The following BRCA2 variants were observed in gnomAD, a reference collection of about 807,000 sequenced individuals.
The protein encoded by BRCA2 is breast cancer type 2 susceptibility protein.
BRCA2 carries 203 observed loss-of-function variants against 276.7 expected under a neutral mutation model. The ratio of observed to expected loss-of-function variants is 0.73; its 90% CI spans 0.65 to 0.82. The LOEUF (loss-of-function observed/expected upper bound fraction) is 0.82, where lower values mean the gene tolerates loss of function less well. Among genes scored for constraint, BRCA2 ranks in the 40% least tolerant of loss-of-function variants. The probability of loss-of-function intolerance (pLI) is 0.00; values close to 1 mark genes in which losing one functional copy is unlikely to be tolerated. For missense variants in BRCA2, 3,920 were observed against 3,915.0 expected (o/e 1.00, Z -0.03); for synonymous variants, 1,289 against 1,338.4 (o/e 0.96, Z 0.81).
chr13:32,390,770 A>G (rs546897383), intron 24 of BRCA2, among the ~76,000 whole-genome samples: 2 of 152,304 alleles, frequency 1.3e-5, no homozygotes, highest in Admixed American at 1.3e-4. Context: ...CAGTAATACA[A>G]TGATCTCTTC....
In BRCA2 at chr13:32,379,892, A is replaced by C. The variant is rs864622582; in HGVS notation, c.9096A>C (p.Lys3032Asn). 3 of 1,613,730 alleles carry C rather than the reference A, an allele frequency of 1.9e-6. No homozygotes were observed. Among genetic ancestry groups the C allele is most frequent in the East Asian group, 2.2e-5 (1 of 44,852 alleles). ...ACATACAGTTAGCAGCGACAAAAAA[A>C]ACTCAGTATCAACAACTACCGGTAC... ...RANIQLAATKKTQYQQLPVSD... is the reference protein window; with the variant it reads ...RANIQLAATKNTQYQQLPVSD... The change falls in exon 23 of 27, where the codon AAA becomes AAC. Residue 3032 changes from lysine to asparagine, a missense_variant. Physicochemically the swap from Lys to Asn is moderately conservative, Grantham distance 94. This residue lies in a region of BRCA2 where 657 missense variants were observed against 758.2 expected (regional missense o/e 0.87). Coordinates refer to ENST00000380152, the MANE Select transcript of BRCA2 (RefSeq NM_000059.4).
rs886038125 is a variant in BRCA2, at chr13:32,339,919, C to G, written c.5564C>G (p.Ser1855Ter). 6.2e-7 allele frequency: 1 copy of G among 1,606,814 alleles called. No homozygotes were observed. The highest frequency in any genetic ancestry group is 1.1e-5 in the South Asian group (1 of 89,832). Residue 1855 changes from serine to a stop codon, truncating the protein, a stop_gained, in exon 11 of 27, where the codon TCA (serine) becomes TGA (stop). Transcript: ENST00000380152. LOFTEE classifies it high-confidence loss of function. ...GCCAGTGGTAAAATCGTTTGTGTTT[C>G]ACATGAAACAATTAAAAAAGTGAAA... The part of the protein sequence containing the change: ...RIASGKIVCV[S>*]HETIKKVKDI...
chr13:32,347,854 T>G (rs1238696588), intron 13 of BRCA2, among the ~76,000 whole-genome samples: 1 of 152,186 alleles, frequency 6.6e-6, no homozygotes, highest in Non-Finnish European at 1.5e-5. Flanking sequence ...ACTGTTGACA[T>G]GCACAGAGCT....
intron 20 of BRCA2, among the ~76,000 whole-genome samples, chr13:32,372,327 T>TA (rs1298891170): frequency 6.6e-6 from 1 of 152,228 alleles, no homozygotes; most frequent in African/African-American, 2.4e-5. Flanking sequence ...AGCTCTGTAT[T>TA]AATCTGTTCC....
chr13:32,317,847 G>T (rs1327233566), intron 2 of BRCA2, among the ~76,000 whole-genome samples: 1 of 152,170 alleles, frequency 6.6e-6, no homozygotes, highest in Admixed American at 6.5e-5. Flanking sequence ...AAATAACTTT[G>T]TCAGCTGTTC....
intron 20 of BRCA2, among the ~76,000 whole-genome samples, chr13:32,375,765 G>A (rs1001031834): frequency 3.3e-5 from 5 of 151,996 alleles, no homozygotes. Flanking sequence ...TCACCATGTT[G>A]GTCAGGCTGG....
At chr13:32,353,137 T>C (rs1397960724) in intron 13 of BRCA2, among the ~76,000 whole-genome samples, 1 of 152,244 alleles carries the variant, frequency 6.6e-6, no homozygotes, top group African/African-American at 2.4e-5. Flanking sequence ...TTTTTCCTAA[T>C]AGATTGTTCT....
intron 11 of BRCA2, among the ~76,000 whole-genome samples, chr13:32,343,750 G>C (rs563915675): frequency 6.6e-6 from 1 of 151,734 alleles, no homozygotes; most frequent in Non-Finnish European, 1.5e-5. Flanking sequence ...TGCTTTCAAC[G>C]GTGTTACTAC....
At chr13:32,334,750 A>C (rs1293284588) in intron 10 of BRCA2, among the ~76,000 whole-genome samples, 2 of 152,158 alleles carry the variant, frequency 1.3e-5, no homozygotes, top group Non-Finnish European at 2.9e-5. Flanking sequence ...TTCTAAAATA[A>C]TGATTTATTG....
chr13:32,355,372 C>T (rs1344566153), intron 14 of BRCA2, 84 bp downstream of exon 14: 6 of 1,474,078 alleles, frequency 4.1e-6, no homozygotes, highest in South Asian at 1.2e-5. Flanking sequence ...TGGTTTTCCC[C>T]CTTTGGTGGT....
Position 32,337,337 on chromosome 13 carries a change from A to C in BRCA2, c.2982A>C (p.Ala994=), listed in dbSNP as rs2072469658. Residue 994 remains alanine (A), a synonymous_variant, in exon 11 of 27, where the codon GCA becomes GCC. Coordinates refer to ENST00000380152, the MANE Select transcript of BRCA2 (RefSeq NM_000059.4). ...EKNNDYMNKW[A]GLLGPISNHS... is the part of the protein sequence containing the mutation. Reference sequence around the variant, plus strand: ...ATAATGATTACATGAACAAATGGGCAGGACTCTTAGGTCCAATTTCAAATC... The same window carrying C: ...ATAATGATTACATGAACAAATGGGCCGGACTCTTAGGTCCAATTTCAAATC... The C allele has an allele frequency of 6.2e-7, 1 of 1,613,728 alleles. No individual in the cohort carries two copies.
At chr13:32,358,388 A>G (rs1482428182) in intron 16 of BRCA2, among the ~76,000 whole-genome samples, 1 of 151,634 alleles carries the variant, frequency 6.6e-6, no homozygotes, top group Non-Finnish European at 1.5e-5. Context: ...AGGCAGGAGA[A>G]TCGCTTGAAC....
chr13:32,337,354 T>C lies in BRCA2; in HGVS notation c.2999T>C (p.Ile1000Thr), dbSNP rs374769365. The C allele has an allele frequency of 1.2e-6, 2 of 1,613,836 alleles. No homozygotes were observed. ...AAATGGGCAGGACTCTTAGGTCCAA[T>C]TTCAAATCACAGTTTTGGAGGTAGC... ...MNKWAGLLGP[I>T]SNHSFGGSFR... Residue 1000 changes from isoleucine to threonine, a missense_variant, in exon 11 of 27, where the codon ATT (isoleucine) becomes ACT (threonine). Coordinates refer to ENST00000380152, the MANE Select transcript of BRCA2 (RefSeq NM_000059.4).
chr13:32,338,271 G>A lies in BRCA2; in HGVS notation c.3916G>A (p.Val1306Ile), dbSNP rs80358636. The change falls in exon 11 of 27, where the codon GTT (valine) becomes ATT (isoleucine). Residue 1306 changes from valine (V) to isoleucine (I), a missense_variant. By Grantham distance (29) the Val-to-Ile change is conservative. This residue lies in a region of BRCA2 where 3,263 missense variants were observed against 3,156.9 expected (regional missense o/e 1.03). Coordinates refer to ENST00000380152, the MANE Select transcript of BRCA2 (RefSeq NM_000059.4). ...NNIEMTTGTF[V>I]EEITENYKRN... is the part of the protein sequence containing the mutation. ...TATTGAAATGACTACTGGCACTTTT[G>A]TTGAAGAAATTACTGAAAATTACAA... The A allele has an allele frequency of 1.7e-5, 26 of 1,565,512 alleles. No homozygotes were observed. The highest frequency in any genetic ancestry group is 2.2e-5 in the Non-Finnish European group (26 of 1,158,094).
rs80359068 is a variant in BRCA2 at position 32,332,296 on chromosome 13, C to A, written c.818C>A (p.Ser273Ter). 6.2e-7 allele frequency: 1 copy of A among 1,604,928 alleles called. No individual in the cohort carries two copies. Among genetic ancestry groups the A allele is most frequent in the South Asian group, 1.1e-5 (1 of 88,874 alleles). Reference protein sequence around the residue: ...SHGFGKTSGNSFKVNSCKDHI... With the variant: ...SHGFGKTSGN Reference sequence around the variant, plus strand: ...GGATTTGGAAAAACATCAGGGAATTCATTTAAAGTAAATAGCTGCAAAGAC... The same window carrying A: ...GGATTTGGAAAAACATCAGGGAATTAATTTAAAGTAAATAGCTGCAAAGAC... Residue 273 changes from serine to a stop codon, truncating the protein, a stop_gained, in exon 10 of 27, where the codon TCA (serine) becomes TAA (stop). Transcript: ENST00000380152. LOFTEE classifies it high-confidence loss of function.
At chr13:32,395,631 A>T (rs1327423453) in intron 25 of BRCA2, among the ~76,000 whole-genome samples, 1 of 152,224 alleles carries the variant, frequency 6.6e-6, no homozygotes, top group Non-Finnish European at 1.5e-5. Flanking sequence ...CCAGACTAGG[A>T]ACTGCTATGC....
In BRCA2 at chr13:32,353,467, CTA is replaced by C. The variant is rs145261968; in HGVS notation, c.7008-1393_7008-1392del. On this transcript the variant is annotated intron_variant, in intron 13 of 26. Transcript: ENST00000380152. ...GTGGTGTGCCATCTCAGAGTAGAGA[CTA>C]AAAGCCCTTGTCATGGTGTACAGAT... Among the ~76,000 whole-genome samples, 1 of 152,042 alleles carries C rather than the reference CTA, an allele frequency of 6.6e-6. No homozygotes were observed. The highest frequency in any genetic ancestry group is 1.5e-5 in the Non-Finnish European group (1 of 68,010).
chr13:32,386,588 G>GA (rs1055803438), intron 24 of BRCA2, among the ~76,000 whole-genome samples: 1 of 93,252 alleles, frequency 1.1e-5, no homozygotes, highest in African/African-American at 3.8e-5. Flanking sequence ...GTATGAAGCA[G>GA]AAAAAAAATG....
chr13:32,325,989 AAGT>A, intron 4 of BRCA2, 109 bp from the exon 5 acceptor site: 3 of 916,058 alleles, frequency 3.3e-6, no homozygotes, highest in Non-Finnish European at 5.1e-6. Flanking sequence ...AAATATCTAA[AAGT>A]AGTATTCCAA....
Sources: gnomAD v4.1 joint callset for allele counts (sites outside exome capture counted in the v4.1 genomes callset) on GRCh38, gnomAD v4.1.1 for gene constraint, gnomAD v4.1.1 regional missense constraint, MANE v1.5 for transcripts, NCBI Gene and HGNC (gene_info 2026-07-23, HGNC 2026-07-21) for gene names.